The following GRIK3 variants were observed in gnomAD, a reference collection of about 807,000 sequenced individuals.
GRIK3 encodes glutamate receptor ionotropic, kainate 3.
A neutral mutation model predicts 102.5 loss-of-function variants in GRIK3; 29 were observed. That is an observed-to-expected ratio of 0.28 (90% CI 0.21 to 0.39). The LOEUF is 0.39. Among genes scored for constraint, GRIK3 ranks in the 10% least tolerant of loss-of-function variants. GRIK3 has a pLI of 1.00. For missense variants in GRIK3, 908 were observed against 1,252.4 expected (o/e 0.73, Z 4.15); for synonymous variants, 511 against 504.9 (o/e 1.01, Z -0.16).
intron 12 of GRIK3, among the ~76,000 whole-genome samples, chr1:36,818,806 C>G (rs1642663700): frequency 6.6e-6 from 1 of 152,222 alleles, no homozygotes; most frequent in Non-Finnish European, 1.5e-5. Flanking sequence ...GACATTTTCT[C>G]TGTCCCTGGA....
intron 1 of GRIK3, among the ~76,000 whole-genome samples, chr1:36,911,530 G>C (rs1412531516): frequency 1.3e-5 from 2 of 152,108 alleles, no homozygotes; most frequent in Non-Finnish European, 2.9e-5. Flanking sequence ...TCCAGAGAAG[G>C]GGCAGATCTG....
chr1:36,895,239 C>G (rs1309174973), intron 1 of GRIK3, among the ~76,000 whole-genome samples: 1 of 152,056 alleles, frequency 6.6e-6, no homozygotes, highest in African/African-American at 2.4e-5. Context: ...GAAAAAATTA[C>G]AGGGCATACT....
intron 1 of GRIK3, among the ~76,000 whole-genome samples, chr1:37,010,908 A>C (rs1034511746): frequency 6.6e-6 from 1 of 151,670 alleles, no homozygotes; most frequent in Non-Finnish European, 1.5e-5. Context: ...CGCCCGGCTA[A>C]TTTTTTGTAT....
chr1:36,855,750 G>A (rs1640644254), intron 7 of GRIK3, among the ~76,000 whole-genome samples: 1 of 152,230 alleles, frequency 6.6e-6, no homozygotes, highest in South Asian at 2.1e-4. Context: ...GCTGGCCCTT[G>A]GCTGGGAAGG....
chr1:36,810,017 G>C (rs530826397), intron 13 of GRIK3, among the ~76,000 whole-genome samples: 4 of 152,148 alleles, frequency 2.6e-5, no homozygotes, highest in Non-Finnish European at 5.9e-5. Flanking sequence ...CTTGTCTTCT[G>C]TCTTGGGGCC....
At chr1:36,902,897 C>T (rs777467705) in intron 1 of GRIK3, among the ~76,000 whole-genome samples, 1 of 152,052 alleles carries the variant, frequency 6.6e-6, no homozygotes, top group Non-Finnish European at 1.5e-5. Context: ...TCGAGTGATT[C>T]TCCTGTCTCA....
chr1:36,842,822 T>A (rs1017817508), intron 9 of GRIK3, among the ~76,000 whole-genome samples: 32 of 152,184 alleles, frequency 2.1e-4, no homozygotes, highest in Non-Finnish European at 4.4e-5. Flanking sequence ...ATGTGAGTTG[T>A]GCAAGCACCC....
intron 11 of GRIK3, among the ~76,000 whole-genome samples, chr1:36,822,462 C>T (rs745751995): frequency 3.9e-5 from 6 of 152,168 alleles, no homozygotes; most frequent in Non-Finnish European, 7.3e-5. Context: ...TAACCCTCCT[C>T]GGCCACAGGA....
intron 1 of GRIK3, among the ~76,000 whole-genome samples, chr1:36,964,277 T>C (rs747183611): frequency 3.9e-5 from 6 of 152,154 alleles, no homozygotes; most frequent in South Asian, 2.1e-4. Flanking sequence ...GGTTCAGGAT[T>C]TCTCAGAACT....
chr1:36,835,619 G>T (rs1158108326), intron 10 of GRIK3, among the ~76,000 whole-genome samples: 2 of 152,176 alleles, frequency 1.3e-5, no homozygotes, highest in African/African-American at 4.8e-5. Context: ...CTCAGGTTCT[G>T]CTCTGCAGGC....
intron 10 of GRIK3, among the ~76,000 whole-genome samples, chr1:36,838,792 G>A (rs1640413981): frequency 6.6e-6 from 1 of 152,208 alleles, no homozygotes; most frequent in South Asian, 2.1e-4. Context: ...CTATGGGCTA[G>A]TGAGAAGACT....
chr1:37,015,718 T>G (rs1214638465), intron 1 of GRIK3, among the ~76,000 whole-genome samples: 1 of 152,102 alleles, frequency 6.6e-6, no homozygotes, highest in Admixed American at 6.5e-5. Context: ...CAACTCCGGC[T>G]CCAGCAGAAG....
chr1:37,011,926 G>C (rs1415701684), intron 1 of GRIK3, among the ~76,000 whole-genome samples: 1 of 152,126 alleles, frequency 6.6e-6, no homozygotes, highest in Non-Finnish European at 1.5e-5. Context: ...AACCTTTTTG[G>C]GGGGACGTGG....
At chr1:36,908,761 G>A (rs955918651) in intron 1 of GRIK3, among the ~76,000 whole-genome samples, 1 of 150,662 alleles carries the variant, frequency 6.6e-6, no homozygotes. Flanking sequence ...CACTGAGGCG[G>A]CTAAGAAATG....
chr1:36,892,163 C>T lies in GRIK3; in HGVS notation c.116-1067G>A, dbSNP rs1339687075. On this transcript the variant is annotated intron_variant, in intron 1 of 15. Coordinates refer to ENST00000373091, the MANE Select transcript of GRIK3 (RefSeq NM_000831.4). ...TCTCTCAAGTTGCTGGGACTACAGG[C>T]ACATGCTGCTACGCCCGGATAATTT... Among the ~76,000 whole-genome samples, 5 of 152,174 alleles carry T rather than the reference C, an allele frequency of 3.3e-5. No homozygotes were observed. The East Asian group carries it at 7.7e-4, about 23-fold the overall frequency.
At chr1:36,985,155 G>T (rs1429904213) in intron 1 of GRIK3, among the ~76,000 whole-genome samples, 1 of 152,178 alleles carries the variant, frequency 6.6e-6, no homozygotes, top group Non-Finnish European at 1.5e-5. Context: ...AAGAAGAGGG[G>T]GTGGGAGAGG....
intron 10 of GRIK3, among the ~76,000 whole-genome samples, chr1:36,831,981 A>C (rs1256569470): frequency 6.6e-6 from 1 of 150,594 alleles, no homozygotes; most frequent in Admixed American, 6.6e-5. Context: ...TTCCTCCCCA[A>C]ACTCTTTGTC....
intron 1 of GRIK3, among the ~76,000 whole-genome samples, chr1:36,964,981 T>G (rs764917005): frequency 6.6e-5 from 10 of 152,220 alleles, no homozygotes; most frequent in Non-Finnish European, 1.2e-4. Flanking sequence ...GACAAATGTT[T>G]GTTGATCCTC....
intron 1 of GRIK3, among the ~76,000 whole-genome samples, chr1:36,995,203 G>T (rs191661419): frequency 5.9e-5 from 9 of 152,258 alleles, no homozygotes; most frequent in Admixed American, 4.6e-4. Context: ...TTAATAAGCA[G>T]ACGTATACCT....
Sources: gnomAD v4.1 joint callset for allele counts (sites outside exome capture counted in the v4.1 genomes callset) on GRCh38, gnomAD v4.1.1 for gene constraint, MANE v1.5 for transcripts, NCBI Gene and HGNC (gene_info 2026-07-23, HGNC 2026-07-21) for gene names.